SPIDR: variants seen among roughly 807,000 people sequenced by gnomAD.
SPIDR encodes the protein scaffold protein involved in DNA repair, also known as DNA repair-scaffolding protein.
SPIDR carries 93 observed loss-of-function variants against 104.6 expected under a neutral mutation model. That is an observed-to-expected ratio of 0.89 (90% CI 0.75 to 1.06). SPIDR has a LOEUF of 1.06. Ranked by LOEUF, SPIDR falls within the 50% of genes least tolerant of loss-of-function variation. The pLI, the probability that SPIDR is intolerant of heterozygous loss-of-function variation, is 0.00. For synonymous variants in SPIDR, 431 were observed against 416.9 expected, an observed-to-expected ratio of 1.03 and a Z score of -0.41; for missense variants, 1,154 against 1,111.2, an observed-to-expected ratio of 1.04 and a Z score of -0.55.
chr8:47,565,166 A>G (rs1188099333), intron 8 of SPIDR, among the ~76,000 whole-genome samples: 6 of 152,208 alleles, frequency 3.9e-5, no homozygotes, highest in African/African-American at 1.4e-4. Context: ...GAATAGCTTG[A>G]ACCTGGGAGG....
intron 5 of SPIDR, among the ~76,000 whole-genome samples, chr8:47,358,858 C>T (rs2055115649): frequency 6.6e-6 from 1 of 152,140 alleles, no homozygotes. Context: ...ACATACTCCT[C>T]CCACCCATTG....
chr8:47,727,390 C>T, intron 17 of SPIDR, 97 bp downstream of exon 17: 1 of 1,094,430 alleles, frequency 9.1e-7, no homozygotes, highest in Non-Finnish European at 1.4e-6. Flanking sequence ...AGGTGACTCC[C>T]TCGAGAGCTC....
At chr8:47,707,729 C>A (rs906024804) in intron 14 of SPIDR, among the ~76,000 whole-genome samples, 1 of 152,212 alleles carries the variant, frequency 6.6e-6, no homozygotes, top group Non-Finnish European at 1.5e-5. Flanking sequence ...TTTAATTTTA[C>A]ACTTTACCTT....
intron 19 of SPIDR, among the ~76,000 whole-genome samples, chr8:47,731,631 G>A (rs2085254136): frequency 6.6e-6 from 1 of 152,248 alleles, no homozygotes; most frequent in Admixed American, 6.5e-5. Context: ...GCCAGCCCAA[G>A]GAGCATAATG....
At chr8:47,693,994 G>A (rs16930230) in intron 11 of SPIDR, among the ~76,000 whole-genome samples, 21,686 of 152,134 alleles carry the variant, frequency 0.14, 2,092 homozygotes, top group South Asian at 0.29. Context: ...GCTCCTTTCC[G>A]GTCCAGAGAG....
At position 47,512,095 on chromosome 8, in the gene SPIDR, C is replaced by T. The variant is rs1408215264; in HGVS notation, c.1097+71553C>T. 1.1e-5 allele frequency: 6 copies of T among 544,250 alleles called. No homozygotes were observed. The East Asian group carries it at 1.8e-4, about 16-fold the overall frequency. The allele number at this position is 544,250 out of a possible 1,614,324, so 33.7% of individuals were successfully genotyped here. On this transcript the variant is annotated intron_variant, in intron 8 of 19. Coordinates refer to ENST00000297423, the MANE Select transcript of SPIDR (RefSeq NM_001080394.4). ...GAAGCAGGCCCGGTCCTGCTCAGTG[C>T]CCATCACCACCACGAACTCTCTCAG...
intron 19 of SPIDR, 197 bp downstream of exon 19, chr8:47,729,662 G>T: frequency 1.7e-6 from 1 of 591,780 alleles, no homozygotes; most frequent in Non-Finnish European, 2.9e-6. Context: ...GTGGAAATGA[G>T]GTTATTTTAG....
chr8:47,453,034 G>T lies in SPIDR; in HGVS notation c.1097+12492G>T, dbSNP rs192695561. Among the ~76,000 whole-genome samples the T allele has an allele frequency of 3.4e-3, 523 of 152,202 alleles. 6 individuals are homozygous for T. The highest frequency in any genetic ancestry group is 0.012 in the African/African-American group (502 of 41,516). ...CAAAGTCTCAGGATACAAAATCAAT[G>T]TACAAAAATCACAAGCATTCTTATA... On this transcript the variant is annotated intron_variant, in intron 8 of 19. Coordinates refer to ENST00000297423, the MANE Select transcript of SPIDR (RefSeq NM_001080394.4).
intron 5 of SPIDR, among the ~76,000 whole-genome samples, chr8:47,317,711 T>C (rs758157084): frequency 1.3e-5 from 2 of 152,094 alleles, no homozygotes; most frequent in African/African-American, 4.8e-5. Flanking sequence ...AGGGGCAGAC[T>C]AACACCTCAC....
chr8:47,322,267 A>T (rs2046793202), intron 5 of SPIDR, among the ~76,000 whole-genome samples: 1 of 152,258 alleles, frequency 6.6e-6, no homozygotes, highest in Admixed American at 6.5e-5. Context: ...GCCATCAGAA[A>T]GTGGTCGAAG....
intron 8 of SPIDR, among the ~76,000 whole-genome samples, chr8:47,497,962 C>T (rs1051709854): frequency 1.3e-5 from 2 of 152,118 alleles, no homozygotes; most frequent in African/African-American, 4.8e-5. Flanking sequence ...TACAGTGCTT[C>T]GTTGCTGAAA....
chr8:47,414,792 A>G (rs1394567885), intron 7 of SPIDR, among the ~76,000 whole-genome samples: 3 of 151,864 alleles, frequency 2.0e-5, no homozygotes, highest in Non-Finnish European at 4.4e-5. Context: ...GAACATTTGT[A>G]TACCAGTTTT....
intron 5 of SPIDR, among the ~76,000 whole-genome samples, chr8:47,382,829 T>A (rs565635900): frequency 2.6e-5 from 4 of 152,328 alleles, no homozygotes; most frequent in African/African-American, 9.6e-5. Flanking sequence ...TATGCCCGCA[T>A]TTCTCCTTTT....
intron 8 of SPIDR, among the ~76,000 whole-genome samples, chr8:47,502,955 G>C (rs546690188): frequency 3.9e-4 from 59 of 152,322 alleles, no homozygotes; most frequent in African/African-American, 1.4e-3. Context: ...TTTTGAGTGA[G>C]TTTCTTAATC....
chr8:47,633,448 A>C (rs2067372594), intron 10 of SPIDR, among the ~76,000 whole-genome samples: 1 of 151,374 alleles, frequency 6.6e-6, no homozygotes, highest in South Asian at 2.1e-4. Flanking sequence ...ACCAAGGAGA[A>C]TGTTCTCACC....
At position 47,609,153 on chromosome 8, in the gene SPIDR, T is replaced by A. The variant is rs576914946; in HGVS notation, c.1544+9957T>A. 1.1e-4 allele frequency among the ~76,000 whole-genome samples: 16 copies of A among 152,368 alleles called. No individual in the cohort carries two copies. The South Asian group carries it at 3.3e-3, about 32-fold the overall frequency. On this transcript the variant is annotated intron_variant, in intron 10 of 19. Transcript: ENST00000297423. ...GAATTGTAAGAGTTCTCTGTATAAGTCCTTTATCATTTGCAAATATTTTTT... is the reference window on the plus strand; with the variant it reads ...GAATTGTAAGAGTTCTCTGTATAAGACCTTTATCATTTGCAAATATTTTTT...
intron 8 of SPIDR, among the ~76,000 whole-genome samples, chr8:47,456,579 C>A (rs1311023243): frequency 6.6e-6 from 1 of 152,032 alleles, no homozygotes; most frequent in Non-Finnish European, 1.5e-5. Context: ...CTTATATAAC[C>A]ATTTGGTCCA....
chr8:47,356,725 G>A (rs2054622411), intron 5 of SPIDR, among the ~76,000 whole-genome samples: 1 of 124,738 alleles, frequency 8.0e-6, no homozygotes, highest in Non-Finnish European at 2.0e-5. Context: ...CATTTGCAGT[G>A]GGTGGTAGCA....
At chr8:47,430,585 G>A (rs1244502794) in intron 7 of SPIDR, among the ~76,000 whole-genome samples, 2 of 152,168 alleles carry the variant, frequency 1.3e-5, no homozygotes, top group Non-Finnish European at 2.9e-5. Context: ...TAGAGAGGCC[G>A]GATGCCCACG....
Sources: gnomAD v4.1 joint callset for allele counts (sites outside exome capture counted in the v4.1 genomes callset) on GRCh38, gnomAD v4.1.1 for gene constraint, MANE v1.5 for transcripts, NCBI Gene and HGNC (gene_info 2026-07-23, HGNC 2026-07-21) for gene names.